DIAPH1: variants seen among roughly 807,000 people sequenced by gnomAD.
DIAPH1 encodes the protein diaphanous related formin 1, also known as protein diaphanous homolog 1.
Under a neutral mutation model 140.7 loss-of-function variants are expected in DIAPH1, and 46 were observed. The ratio of observed to expected loss-of-function variants is 0.33; its 90% CI spans 0.26 to 0.42. DIAPH1 has a LOEUF of 0.42. DIAPH1 is among the 10% of genes least tolerant of loss of function. The pLI is 1.00. For synonymous variants in DIAPH1, 565 were observed against 551.6 expected (o/e 1.02, Z -0.34); for missense variants, 1,310 against 1,558.7 (o/e 0.84, Z 2.69).
At chr5:141,571,668 C>G (rs963252385) in intron 17 of DIAPH1, among the ~76,000 whole-genome samples, 4 of 152,198 alleles carry the variant, frequency 2.6e-5, no homozygotes, top group African/African-American at 7.2e-5. Flanking sequence ...CAAGCTCTGT[C>G]ACTTTAATCT....
At chr5:141,597,944 C>T (rs533337068) in intron 1 of DIAPH1, among the ~76,000 whole-genome samples, 26 of 152,338 alleles carry the variant, frequency 1.7e-4, no homozygotes, top group African/African-American at 6.3e-4. Flanking sequence ...AGTGTACTCC[C>T]TCAACCTTAT....
At chr5:141,526,257 T>G in intron 25 of DIAPH1, 40 bp downstream of exon 25, 1 of 1,614,162 alleles carries the variant, frequency 6.2e-7, no homozygotes, top group Non-Finnish European at 8.5e-7. Context: ...AAGTGAGAAA[T>G]GCCCACAAAA....
intron 18 of DIAPH1, chr5:141,550,579 A>G (rs1243977685): frequency 3.9e-5 from 6 of 154,270 alleles, no homozygotes; most frequent in Admixed American, 1.3e-4. Flanking sequence ...GCCCCTAACC[A>G]CAATAAAAGC....
chr5:141,525,894 C>T (rs1477836743), intron 26 of DIAPH1, 144 bp downstream of exon 26: 10 of 1,310,036 alleles, frequency 7.6e-6, no homozygotes, highest in South Asian at 3.6e-5. Flanking sequence ...GGTTAAAGTC[C>T]GGCATCAGGA....
At chr5:141,570,500 T>TAC (rs752770552) in intron 18 of DIAPH1, among the ~76,000 whole-genome samples, 22 of 151,846 alleles carry the variant, frequency 1.4e-4, no homozygotes, top group East Asian at 5.8e-4. Flanking sequence ...TACTCCTAGA[T>TAC]ACACACACAC....
chr5:141,561,125 G>A (rs192191262), intron 18 of DIAPH1, among the ~76,000 whole-genome samples: 2 of 152,162 alleles, frequency 1.3e-5, no homozygotes, highest in East Asian at 1.9e-4. Context: ...TTCTTGGGAA[G>A]GATTTTTGCA....
intron 1 of DIAPH1, among the ~76,000 whole-genome samples, chr5:141,601,181 C>G (rs911427216): frequency 6.7e-6 from 1 of 149,318 alleles, no homozygotes; most frequent in African/African-American, 2.5e-5. Flanking sequence ...ACATATGTAA[C>G]AAACCTGCAC....
chr5:141,541,207 A>G (rs962028079), intron 18 of DIAPH1, among the ~76,000 whole-genome samples: 8 of 152,242 alleles, frequency 5.3e-5, no homozygotes, highest in African/African-American at 1.9e-4. Context: ...TTAAAATCCT[A>G]TTCATGATTT....
intron 19 of DIAPH1, among the ~76,000 whole-genome samples, chr5:141,531,286 C>G (rs2099888186): frequency 6.6e-6 from 1 of 151,886 alleles, no homozygotes; most frequent in Non-Finnish European, 1.5e-5. Context: ...CACTAAATTC[C>G]ATTAATTTTA....
intron 18 of DIAPH1, among the ~76,000 whole-genome samples, chr5:141,542,432 T>TG (rs1462570269): frequency 2.0e-5 from 3 of 148,648 alleles, no homozygotes; most frequent in Admixed American, 1.3e-4. Context: ...GACTCTGTCT[T>TG]GGGAAAAAAA....
intron 8 of DIAPH1, among the ~76,000 whole-genome samples, chr5:141,580,026 C>T (rs1451504179): frequency 6.6e-6 from 1 of 150,846 alleles, no homozygotes; most frequent in South Asian, 2.1e-4. Context: ...GCCATACATA[C>T]ATGTATATGG....
intron 18 of DIAPH1, among the ~76,000 whole-genome samples, chr5:141,538,339 C>T (rs2099889402): frequency 6.6e-6 from 1 of 150,742 alleles, no homozygotes; most frequent in Admixed American, 6.6e-5. Context: ...GGATTACAGG[C>T]GTGAGCCACT....
intron 18 of DIAPH1, among the ~76,000 whole-genome samples, chr5:141,556,292 A>T: frequency 6.6e-6 from 1 of 152,142 alleles, no homozygotes; most frequent in South Asian, 2.1e-4. Context: ...CCAGGGAGAA[A>T]GCTGCTACTT....
chr5:141,577,757 G>A (rs886249257), intron 11 of DIAPH1, among the ~76,000 whole-genome samples, 166 bp from the exon 12 acceptor site: 10 of 152,280 alleles, frequency 6.6e-5, no homozygotes, highest in Admixed American at 3.3e-4. Flanking sequence ...TTTCTAAAAC[G>A]TCCTTTAAGG....
At chr5:141,540,569 C>G (rs2099889813) in intron 18 of DIAPH1, among the ~76,000 whole-genome samples, 1 of 147,218 alleles carries the variant, frequency 6.8e-6, no homozygotes, top group Non-Finnish European at 1.5e-5. Flanking sequence ...CGTGAGCCAC[C>G]ACACCCAGCC....
rs1267697203 is a variant in DIAPH1, at chr5:141,573,613, C to T, written c.2237G>A (p.Gly746Asp). ...PGIPPPPPGM[G>D]MPPPPPFGFG... is the part of the protein sequence containing the mutation. ...TCCAAATGGGGGAGGTGGAGGCATA[C>T]CCATTCCGGGTGGAGGTGGAGGAAT... Residue 746 changes from glycine (G) to aspartate (D), a missense_variant, in exon 16 of 28, where the codon GGT becomes GAT. This residue lies in a region of DIAPH1 where 589 missense variants were observed against 549.3 expected (regional missense o/e 1.07). Coordinates refer to ENST00000389054, the MANE Select transcript of DIAPH1 (RefSeq NM_005219.5). 3 of 1,613,470 alleles carry T rather than the reference C, an allele frequency of 1.9e-6. No homozygotes were observed. Among genetic ancestry groups the T allele is most frequent in the African/African-American group, 1.3e-5 (1 of 74,806 alleles).
intron 18 of DIAPH1, among the ~76,000 whole-genome samples, chr5:141,544,251 A>T (rs986191700): frequency 1.3e-5 from 2 of 152,184 alleles, no homozygotes; most frequent in African/African-American, 4.8e-5. Flanking sequence ...TGGAGCTTGC[A>T]GTGAGCTGAG....
rs202079275 is a variant in DIAPH1, at chr5:141,601,792, AAAGT to A, written c.118-13546_118-13543del. The stretch of plus-strand genomic sequence containing the variant: ...TTTCATTACTCTATTCAAATTGAGA[AAAGT>A]AAGGAAAAGTTTCAATTCAAGGTAT... On this transcript the variant is annotated intron_variant, in intron 1 of 27. Coordinates refer to ENST00000389054, the MANE Select transcript of DIAPH1 (RefSeq NM_005219.5). Among the ~76,000 whole-genome samples, 5 of 152,370 alleles carry A rather than the reference AAAGT, an allele frequency of 3.3e-5. No homozygotes were observed. In the East Asian group the frequency reaches 9.6e-4, roughly 29 times the overall value.
intron 27 of DIAPH1, among the ~76,000 whole-genome samples, chr5:141,521,743 G>A (rs2099886571): frequency 6.6e-6 from 1 of 152,146 alleles, no homozygotes; most frequent in Admixed American, 6.5e-5. Flanking sequence ...GCCAGGCAAG[G>A]GGTGGAACAG....
Sources: gnomAD v4.1 joint callset for allele counts (sites outside exome capture counted in the v4.1 genomes callset) on GRCh38, gnomAD v4.1.1 for gene constraint, gnomAD v4.1.1 regional missense constraint, MANE v1.5 for transcripts, NCBI Gene and HGNC (gene_info 2026-07-23, HGNC 2026-07-21) for gene names.